DDX39A: variants seen among roughly 807,000 people sequenced by gnomAD.
The protein encoded by DDX39A is ATP-dependent RNA helicase DDX39A.
In DDX39A, 13 loss-of-function variants were observed where a neutral mutation model predicts 46.3. The observed-to-expected ratio is 0.28, with a 90% CI of 0.18 to 0.45. The LOEUF (loss-of-function observed/expected upper bound fraction) is 0.45. Among genes scored for constraint, DDX39A ranks in the 20% least tolerant of loss-of-function variants. DDX39A has a pLI of 1.00. For synonymous variants in DDX39A, 234 were observed against 224.6 expected (o/e 1.04, Z -0.38); for missense variants, 352 against 581.8 (o/e 0.61, Z 4.06).
rs376558858 is a variant in DDX39A at position 14,414,325 on chromosome 19, TTTATTATTATTATTATTA to T, written c.-4-1119_-4-1102del. Reference sequence around the variant, plus strand: ...CTGGCCCCAAGCTGCTATCACCTGTTTTATTATTATTATTATTATTATTATTATTATTATTATTATTAT... The same window carrying T: ...CTGGCCCCAAGCTGCTATCACCTGTTTTATTATTATTATTATTATTATTAT... On this transcript the variant is annotated intron_variant, in intron 1 of 10. Coordinates refer to ENST00000242776, the MANE Select transcript of DDX39A (RefSeq NM_005804.4). Among the ~76,000 whole-genome samples, 723 of 133,524 alleles carry T rather than the reference TTTATTATTATTATTATTA, an allele frequency of 5.4e-3. 6 individuals are homozygous for T. The highest frequency in any genetic ancestry group is 7.7e-3 in the Non-Finnish European group (487 of 63,028). The allele number at this position is 133,524 out of a possible 152,430, so 87.6% of individuals were successfully genotyped here. A position where few individuals can be genotyped will look rare whatever the true frequency, so the allele number is the denominator to read the frequency against.
chr19:14,409,450 G>A lies in DDX39A; in HGVS notation c.975-3C>T. The A allele has an allele frequency of 3.1e-6, 5 of 1,613,892 alleles. No homozygotes were observed. Among genetic ancestry groups the A allele is most frequent in the South Asian group, 1.1e-5 (1 of 91,084 alleles). ...TGAACTGCTGATAGCGTGACAGGCT[G>A]GGGTGCAGGAGAAACAAGTGGAGGC... On this transcript the variant is annotated splice_region_variant and splice_polypyrimidine_tract_variant and intron_variant, in intron 8 of 10. Coordinates refer to ENST00000242776, the MANE Select transcript of DDX39A (RefSeq NM_005804.4). The surrounding 1 kb of genome is among the most constrained non-coding windows in gnomAD (Gnocchi z 8.3).
At position 14,411,263 on chromosome 19, in the gene DDX39A, G is replaced by A. The variant is rs1976579548; in HGVS notation, c.430-91C>T. On this transcript the variant is annotated intron_variant, in intron 4 of 10. Transcript: ENST00000242776. This position sits in a 1 kb window ranked among gnomAD's most constrained non-coding sequence, Gnocchi z 4.1. ...CAGCACCTGCGAACAGGAGGCCTCA[G>A]GGGACCAAGGCAGGCCTGAGAGCCT... is the stretch of plus-strand genomic sequence containing the variant. 1 of 1,437,892 alleles carries A rather than the reference G, an allele frequency of 7.0e-7. No homozygotes were observed. 89.1% of individuals were successfully genotyped at this position (1,437,892 alleles called of 1,614,324 possible). A position where few individuals can be genotyped will look rare whatever the true frequency, so the allele number is the denominator to read the frequency against.
rs1343296890 is a variant in DDX39A at position 14,409,447 on chromosome 19, G to A, written c.975C>T (p.Arg325=). 1.9e-6 allele frequency: 3 copies of A among 1,613,824 alleles called. No individual in the cohort carries two copies. In the African/African-American group the frequency reaches 4.0e-5, roughly 22 times the overall value. The stretch of plus-strand genomic sequence containing the variant: ...CCTTGAACTGCTGATAGCGTGACAG[G>A]CTGGGGTGCAGGAGAAACAAGTGGA... ...AIHRGMAQEE[R]LSRYQQFKDF... is the part of the protein sequence containing the mutation. The change falls in exon 9 of 11, where the codon CGC becomes CGT. Residue 325 remains arginine, a splice_region_variant and synonymous_variant. Transcript: ENST00000242776. The surrounding 1 kb of genome is among the most constrained non-coding windows in gnomAD (Gnocchi z 8.3).
At chr19:14,418,099 C>T (rs1255067054) in intron 1 of DDX39A, among the ~76,000 whole-genome samples, 1 of 114,940 alleles carries the variant, frequency 8.7e-6, no homozygotes, top group African/African-American at 3.6e-5. Flanking sequence ...CCAGCCTGGG[C>T]GACAGAGCAA....
rs923607528 is a variant in DDX39A, at chr19:14,412,294, GTTATTTTGGCTT to G, written c.336+245_336+256del. On this transcript the variant is annotated intron_variant, in intron 3 of 10. Transcript: ENST00000242776. This position sits in a 1 kb window ranked among gnomAD's most constrained non-coding sequence, Gnocchi z 4.4. ...AGGGGCAAACTGTGGGCACTTTCCAGTTATTTTGGCTTATTGGCAATTTCTAATTTTTGTTAT... is the reference window on the plus strand; with the variant it reads ...AGGGGCAAACTGTGGGCACTTTCCAGATTGGCAATTTCTAATTTTTGTTAT... 2.8e-4 allele frequency: 120 copies of G among 432,888 alleles called. No homozygotes were observed. The highest frequency in any genetic ancestry group is 2.3e-3 in the African/African-American group (113 of 49,878). The allele number at this position is 432,888 out of a possible 1,614,324, so 26.8% of individuals were successfully genotyped here.
In DDX39A at chr19:14,412,691, C is replaced by A. The variant is rs1976640716; in HGVS notation, c.209-13G>T. 1 of 1,597,208 alleles carries A rather than the reference C, an allele frequency of 6.3e-7. No homozygotes were observed. Among genetic ancestry groups the A allele is most frequent in the East Asian group, 2.2e-5 (1 of 44,792 alleles). The stretch of plus-strand genomic sequence containing the variant: ...CACTCATGCTGGACTGCAGGAGAAG[C>A]AGAGCGTGAGGGACGAGAACCTGGA... On this transcript the variant is annotated splice_polypyrimidine_tract_variant and intron_variant, in intron 2 of 10. Coordinates refer to ENST00000242776, the MANE Select transcript of DDX39A (RefSeq NM_005804.4). This position sits in a 1 kb window ranked among gnomAD's most constrained non-coding sequence, Gnocchi z 4.4.
Position 14,413,080 on chromosome 19 carries a change from C to A in DDX39A, c.141G>T (p.Arg47=), listed in dbSNP as rs1308303723. Reference sequence around the variant, plus strand: ...GGAGCTCCGGCTTCAGCAGAAAGTCCCGGAAGCCAGAGCTGTGGATGGAAA... The same window carrying A: ...GGAGCTCCGGCTTCAGCAGAAAGTCACGGAAGCCAGAGCTGTGGATGGAAA... ...SYVSIHSSGF[R]DFLLKPELLR... Residue 47 remains arginine, a synonymous_variant, in exon 2 of 11, where the codon CGG becomes CGT. Transcript: ENST00000242776. 1 of 1,614,054 alleles carries A rather than the reference C, an allele frequency of 6.2e-7. No homozygotes were observed. Among genetic ancestry groups the A allele is most frequent in the Non-Finnish European group, 8.5e-7 (1 of 1,180,038 alleles).
chr19:14,409,506 C>A lies in DDX39A; in HGVS notation c.974+30G>T, dbSNP rs1333102310. ...GACACTGGGCTCCTGGTGGTGCTCC[C>A]TGCAGCCTTGGCGGGCGGCTCGCAC... On this transcript the variant is annotated intron_variant, in intron 8 of 10. Transcript: ENST00000242776. This position sits in a 1 kb window ranked among gnomAD's most constrained non-coding sequence, Gnocchi z 8.3. 1.9e-6 allele frequency: 3 copies of A among 1,610,718 alleles called. No individual in the cohort carries two copies. In the South Asian group the frequency reaches 3.3e-5, roughly 18 times the overall value.
chr19:14,408,837 A>G lies in DDX39A; in HGVS notation c.*99T>C. ...GCCAGGCTTCCATAATAACAAGTTTATTCTCATACAATCTCTAGCTTCTCA... is the reference window on the plus strand; with the variant it reads ...GCCAGGCTTCCATAATAACAAGTTTGTTCTCATACAATCTCTAGCTTCTCA... On this transcript the variant is annotated 3_prime_UTR_variant, in exon 11 of 11. Transcript: ENST00000242776. 2.0e-6 allele frequency: 3 copies of G among 1,479,874 alleles called. No homozygotes were observed. The highest frequency in any genetic ancestry group is 1.4e-5 in the South Asian group (1 of 73,018). 91.7% of individuals were successfully genotyped at this position (1,479,874 alleles called of 1,614,324 possible). A position where few individuals can be genotyped will look rare whatever the true frequency, so the allele number is the denominator to read the frequency against.
intron 1 of DDX39A, chr19:14,416,093 A>T (rs1437516067): frequency 2.0e-5 from 3 of 152,204 alleles, no homozygotes; most frequent in Non-Finnish European, 4.4e-5. Context: ...CAAACCTAAG[A>T]GTACATCACT....
At chr19:14,414,333 TATTA>T (rs1247658784) in intron 1 of DDX39A, among the ~76,000 whole-genome samples, 6 of 91,862 alleles carry the variant, frequency 6.5e-5, no homozygotes, top group African/African-American at 3.3e-4. Flanking sequence ...GTTTTATTAT[TATTA>T]TTATTATTAT....
Position 14,408,958 on chromosome 19 carries a change from A to C in DDX39A, c.1268-6T>G, listed in dbSNP as rs369602896. 6.2e-7 allele frequency: 1 copy of C among 1,605,104 alleles called. No homozygotes were observed. Among genetic ancestry groups the C allele is most frequent in the East Asian group, 2.2e-5 (1 of 44,646 alleles). ...TGGTTACCGGCTCTGCTCGACTGTA[A>C]GACATGAGATGCAGTGAACTGAAGG... On this transcript the variant is annotated splice_region_variant and splice_polypyrimidine_tract_variant and intron_variant, in intron 10 of 10. Coordinates refer to ENST00000242776, the MANE Select transcript of DDX39A (RefSeq NM_005804.4).
rs540904992 is a variant in DDX39A at position 14,412,253 on chromosome 19, C to T, written c.336+298G>A. 6 of 353,462 alleles carry T rather than the reference C, an allele frequency of 1.7e-5. No individual in the cohort carries two copies. The highest frequency in any genetic ancestry group is 6.3e-5 in the African/African-American group (3 of 47,888). 21.9% of individuals were successfully genotyped at this position (353,462 alleles called of 1,614,324 possible). A position where few individuals can be genotyped will look rare whatever the true frequency, so the allele number is the denominator to read the frequency against. Reference sequence around the variant, plus strand: ...GGTAAGTGGCACGGCAAAACAGCAACGATGCCTCTGGGGCAAGGGGCAAAC... The same window carrying T: ...GGTAAGTGGCACGGCAAAACAGCAATGATGCCTCTGGGGCAAGGGGCAAAC... On this transcript the variant is annotated intron_variant, in intron 3 of 10. Transcript: ENST00000242776. This position sits in a 1 kb window ranked among gnomAD's most constrained non-coding sequence, Gnocchi z 4.4.
At chr19:14,414,903 T>A (rs1395687663) in intron 1 of DDX39A, among the ~76,000 whole-genome samples, 1 of 146,732 alleles carries the variant, frequency 6.8e-6, no homozygotes, top group African/African-American at 2.5e-5. Context: ...AGGCGGAGGT[T>A]GTGATGGGCT....
chr19:14,414,946 A>G (rs1300661724), intron 1 of DDX39A, among the ~76,000 whole-genome samples: 2 of 151,506 alleles, frequency 1.3e-5, no homozygotes, highest in African/African-American at 4.8e-5. Context: ...TAAAAAAAAA[A>G]AAAAAAAAAA....
In DDX39A at chr19:14,409,038, G is replaced by C. The variant is rs1976430176; in HGVS notation, c.1266C>G (p.Tyr422Ter). Reference sequence around the variant, plus strand: ...CCTGGCCCTGCCCAAGGCACTTACTGTATGTGGAGATGTCGATTTCCTCTG... The same window carrying C: ...CCTGGCCCTGCCCAAGGCACTTACTCTATGTGGAGATGTCGATTTCCTCTG... ...ELPEEIDIST[Y>*]IEQSR is the part of the protein sequence containing the mutation. The change falls in exon 10 of 11, where the codon TAC becomes TAG. Residue 422 changes from tyrosine to a stop codon, truncating the protein, a stop_gained and splice_region_variant. Coordinates refer to ENST00000242776, the MANE Select transcript of DDX39A (RefSeq NM_005804.4). LOFTEE classifies it high-confidence loss of function. This position sits in a 1 kb window ranked among gnomAD's most constrained non-coding sequence, Gnocchi z 8.3. 6.2e-7 allele frequency: 1 copy of C among 1,614,110 alleles called. No homozygotes were observed. The highest frequency in any genetic ancestry group is 1.3e-5 in the African/African-American group (1 of 74,932).
Position 14,410,185 on chromosome 19 carries a change from A to C in DDX39A, c.732+31T>G. ...GCCCCAGGCTCCAGGCCCCTGGGGA[A>C]GGCCAAAGCTGCCACTCTCGCCCTA... On this transcript the variant is annotated intron_variant, in intron 6 of 10. Transcript: ENST00000242776. The surrounding 1 kb of genome is among the most constrained non-coding windows in gnomAD (Gnocchi z 4.3). 9 of 1,576,096 alleles carry C rather than the reference A, an allele frequency of 5.7e-6. No homozygotes were observed. The highest frequency in any genetic ancestry group is 1.1e-5 in the South Asian group (1 of 90,346).
In DDX39A at chr19:14,411,800, C is replaced by T. The variant is rs564997982; in HGVS notation, c.337-202G>A. On this transcript the variant is annotated intron_variant, in intron 3 of 10. Transcript: ENST00000242776. This position sits in a 1 kb window ranked among gnomAD's most constrained non-coding sequence, Gnocchi z 4.1. ...CCCTCCCACAGCTATTGAAACCTGT[C>T]TCCCAACACCAGGACCCACAATAAG... Among the ~76,000 whole-genome samples the T allele has an allele frequency of 2.0e-5, 3 of 152,132 alleles. No individual in the cohort carries two copies. The highest frequency in any genetic ancestry group is 2.0e-4 in the Admixed American group (3 of 15,272).
At chr19:14,414,186 C>G (rs1432609735) in intron 1 of DDX39A, among the ~76,000 whole-genome samples, 1 of 152,026 alleles carries the variant, frequency 6.6e-6, no homozygotes, top group Non-Finnish European at 1.5e-5. Flanking sequence ...ATTCCCGGCT[C>G]AGAAACAGCA....
Sources: gnomAD v4.1 joint callset for allele counts (sites outside exome capture counted in the v4.1 genomes callset) on GRCh38, gnomAD v4.1.1 for gene constraint, Gnocchi (gnomAD v3.1) non-coding constraint, MANE v1.5 for transcripts, NCBI Gene and HGNC (gene_info 2026-07-23, HGNC 2026-07-21) for gene names.